Variants in DLGAP4 observed in about 807,000 individuals in gnomAD.
The protein encoded by DLGAP4 is disks large-associated protein 4.
DLGAP4 carries 18 observed loss-of-function variants against 86.9 expected under a neutral mutation model. That is an observed-to-expected ratio of 0.21 (90% CI 0.14 to 0.31). The LOEUF (loss-of-function observed/expected upper bound fraction) is 0.31. Among genes scored for constraint, DLGAP4 ranks in the 10% least tolerant of loss-of-function variants. The pLI is 1.00. For missense variants in DLGAP4, 1,085 were observed against 1,362.6 expected (o/e 0.80, Z 3.21); for synonymous variants, 548 against 574.3 (o/e 0.95, Z 0.65).
chr20:36,320,536 G>A (rs2147344633), intron 1 of DLGAP4, among the ~76,000 whole-genome samples: 1 of 152,216 alleles, frequency 6.6e-6, no homozygotes, highest in Non-Finnish European at 1.5e-5. Context: ...CCTGCGTCAT[G>A]CCCCCCACTC....
intron 7 of DLGAP4, among the ~76,000 whole-genome samples, chr20:36,450,359 G>A (rs547676646): frequency 7.9e-5 from 12 of 152,322 alleles, no homozygotes; most frequent in Admixed American, 4.6e-4. Flanking sequence ...TTAGCCAGGC[G>A]TGGTGGTGCC....
At chr20:36,474,181 T>G (rs1455236786) in intron 7 of DLGAP4, among the ~76,000 whole-genome samples, 1 of 152,164 alleles carries the variant, frequency 6.6e-6, no homozygotes. Context: ...AGCCAAAAAC[T>G]GTCCATGTCC....
chr20:36,457,785 G>A (rs2033916961), intron 7 of DLGAP4, among the ~76,000 whole-genome samples: 1 of 151,456 alleles, frequency 6.6e-6, no homozygotes, highest in Non-Finnish European at 1.5e-5. Context: ...AAAGTGCTGA[G>A]ATTACAGGCA....
intron 2 of DLGAP4, among the ~76,000 whole-genome samples, chr20:36,428,123 A>G (rs2033030527): frequency 6.6e-6 from 1 of 152,226 alleles, no homozygotes; most frequent in South Asian, 2.1e-4. Flanking sequence ...TGTTAGAATA[A>G]GAAAGTGTGC....
chr20:36,435,430 G>A (rs2033246222), intron 3 of DLGAP4, among the ~76,000 whole-genome samples: 1 of 152,170 alleles, frequency 6.6e-6, no homozygotes, highest in South Asian at 2.1e-4. Context: ...GGAGACTGGG[G>A]GACCAGGGCT....
At chr20:36,508,828 G>C (rs955974178) in intron 10 of DLGAP4, 1 of 152,194 alleles carries the variant, frequency 6.6e-6, no homozygotes, top group Non-Finnish European at 1.5e-5. Context: ...CAGAATCACT[G>C]GATGGGAGGA....
At chr20:36,407,677 G>A (rs906265932) in intron 2 of DLGAP4, among the ~76,000 whole-genome samples, 4 of 152,116 alleles carry the variant, frequency 2.6e-5, no homozygotes, top group Admixed American at 6.5e-5. Context: ...TTGAGGAGCA[G>A]GTCAGGGAGG....
chr20:36,475,751 T>G (rs1259267506), intron 7 of DLGAP4, among the ~76,000 whole-genome samples: 1 of 152,264 alleles, frequency 6.6e-6, no homozygotes, highest in Non-Finnish European at 1.5e-5. Context: ...TTTGTGACTT[T>G]TAGGTTTGGA....
Position 36,467,031 on chromosome 20 carries a change from T to TCC in DLGAP4, c.1648+20095_1648+20096insCC, listed in dbSNP as rs2034421233. Among the ~76,000 whole-genome samples the TCC allele has an allele frequency of 7.1e-4, 78 of 110,078 alleles. 1 individual carries two copies. The highest frequency in any genetic ancestry group is 3.7e-3 in the African/African-American group (77 of 20,534). The allele number at this position is 110,078 out of a possible 152,430, so 72.2% of individuals were successfully genotyped here. ...TCTCTCTCTCTCCTCTCTCTCTCTCTCTCTCTCTCTCTCTCTCTCTCTCTC... is the reference window on the plus strand; with the variant it reads ...TCTCTCTCTCTCCTCTCTCTCTCTCTCCCTCTCTCTCTCTCTCTCTCTCTCTC... On this transcript the variant is annotated intron_variant, in intron 7 of 12. Transcript: ENST00000339266.
intron 1 of DLGAP4, among the ~76,000 whole-genome samples, chr20:36,312,200 C>T (rs1002358840): frequency 1.7e-3 from 259 of 152,260 alleles, no homozygotes; most frequent in Non-Finnish European, 3.2e-3. Context: ...CTGGTTAAGC[C>T]AGCTCATCTC....
rs1486564619 is a variant in DLGAP4 at position 36,308,130 on chromosome 20, G to C, written c.-304+1618G>C. Among the ~76,000 whole-genome samples, 1 of 152,210 alleles carries C rather than the reference G, an allele frequency of 6.6e-6. No homozygotes were observed. The highest frequency in any genetic ancestry group is 6.5e-5 in the Admixed American group (1 of 15,284). On this transcript the variant is annotated intron_variant, in intron 1 of 12. Transcript: ENST00000339266. This position sits in a 1 kb window ranked among gnomAD's most constrained non-coding sequence, Gnocchi z 4.5. The stretch of plus-strand genomic sequence containing the variant: ...GACGCTGGCTGTGCACGTGGGGCTG[G>C]CTAGAGTGCCTGTCTCCCGCTGTGG...
chr20:36,454,564 G>C (rs1346192584), intron 7 of DLGAP4, among the ~76,000 whole-genome samples: 1 of 152,108 alleles, frequency 6.6e-6, no homozygotes, highest in Non-Finnish European at 1.5e-5. Flanking sequence ...TCCAGCCACT[G>C]TCTCCCTACT....
At chr20:36,461,860 C>G in intron 7 of DLGAP4, 1 of 983,878 alleles carries the variant, frequency 1.0e-6, no homozygotes, top group Non-Finnish European at 1.2e-6. Flanking sequence ...CTCTTTGTCT[C>G]TGCCCTCGCG....
At chr20:36,514,721 G>GT (rs750025500) in intron 10 of DLGAP4, among the ~76,000 whole-genome samples, 1 of 151,964 alleles carries the variant, frequency 6.6e-6, no homozygotes, top group African/African-American at 2.4e-5. Flanking sequence ...TCCTTGTTTT[G>GT]TTTTTTTAAT....
intron 2 of DLGAP4, among the ~76,000 whole-genome samples, chr20:36,385,584 C>T (rs2031566594): frequency 6.6e-6 from 1 of 152,214 alleles, no homozygotes; most frequent in Non-Finnish European, 1.5e-5. Context: ...TCCCAGCTGA[C>T]AGACATTCCT....
chr20:36,335,590 C>T (rs1353158509), intron 1 of DLGAP4, among the ~76,000 whole-genome samples: 2 of 152,136 alleles, frequency 1.3e-5, no homozygotes, highest in African/African-American at 2.4e-5. Flanking sequence ...GTAGATGCTC[C>T]GGACACAGCT....
intron 2 of DLGAP4, among the ~76,000 whole-genome samples, chr20:36,388,086 C>T (rs1204144994): frequency 6.6e-6 from 1 of 152,188 alleles, no homozygotes; most frequent in Non-Finnish European, 1.5e-5. Flanking sequence ...AAGAAAAACA[C>T]GTTTGCAAAG....
intron 1 of DLGAP4, among the ~76,000 whole-genome samples, chr20:36,329,146 G>A (rs2147355777): frequency 6.6e-6 from 1 of 152,298 alleles, no homozygotes; most frequent in South Asian, 2.1e-4. Context: ...CTGACCTCAG[G>A]TGACCCACCC....
chr20:36,511,289 G>A (rs1235886690), intron 10 of DLGAP4, among the ~76,000 whole-genome samples: 1 of 152,112 alleles, frequency 6.6e-6, no homozygotes, highest in Non-Finnish European at 1.5e-5. Context: ...TACAGCCTCA[G>A]CCTCCTGGGC....
Sources: allele counts gnomAD v4.1 joint callset (sites outside exome capture counted in the v4.1 genomes callset), GRCh38; gene constraint gnomAD v4.1.1; non-coding constraint Gnocchi (gnomAD v3.1); transcripts MANE v1.5; gene names NCBI Gene and HGNC (gene_info 2026-07-23, HGNC 2026-07-21).